Variants in PPM1B observed in about 807,000 individuals in gnomAD.
PPM1B encodes the protein protein phosphatase, Mg2+/Mn2+ dependent 1B.
A neutral mutation model predicts 43.0 loss-of-function variants in PPM1B; 22 were observed. That is an observed-to-expected ratio of 0.51 (90% CI 0.37 to 0.73). The LOEUF is 0.73. PPM1B is among the 30% of genes least tolerant of loss of function. The pLI is 0.00. For synonymous variants in PPM1B, 217 were observed against 197.9 expected, an observed-to-expected ratio of 1.10 and a Z score of -0.81; for missense variants, 632 against 584.2, an observed-to-expected ratio of 1.08 and a Z score of -0.84.
At chr2:44,174,353 A>T (rs773769843) in intron 1 of PPM1B, among the ~76,000 whole-genome samples, 1 of 152,248 alleles carries the variant, frequency 6.6e-6, no homozygotes, top group Admixed American at 6.5e-5. Flanking sequence ...CCATGTATTG[A>T]CTATTAAGGA....
Position 44,241,010 on chromosome 2 carries a change from T to A in PPM1B, n.1547-3218T>A, listed in dbSNP as rs972586684. On this transcript the variant is annotated intron_variant and non_coding_transcript_variant, in intron 5 of 5. Transcript: ENST00000378540. ...TTGGGAAGCATCTTTATTTTTATTT[T>A]TTTTTTTTTTGAGACGGAGTTTCAC... Among the ~76,000 whole-genome samples, 77 of 143,334 alleles carry A rather than the reference T, an allele frequency of 5.4e-4. 15 individuals carry two copies. The highest frequency in any genetic ancestry group is 1.0e-3 in the East Asian group (5 of 4,850). 94.0% of individuals were successfully genotyped at this position (143,334 alleles called of 152,430 possible). A position where few individuals can be genotyped will look rare whatever the true frequency, so the allele number is the denominator to read the frequency against.
At chr2:44,195,697 C>T (rs1210991056) in intron 1 of PPM1B, among the ~76,000 whole-genome samples, 1 of 152,190 alleles carries the variant, frequency 6.6e-6, no homozygotes, top group Admixed American at 6.5e-5. Context: ...AAATACATGT[C>T]TGCAACCTAT....
At chr2:44,211,319 CTT>C (rs1669456970) in intron 3 of PPM1B, among the ~76,000 whole-genome samples, 1 of 152,044 alleles carries the variant, frequency 6.6e-6, no homozygotes, top group Non-Finnish European at 1.5e-5. Context: ...GTTCCATAGT[CTT>C]TTTTATTTCT....
downstream of PPM1B, chr2:44,234,007 A>C: frequency 1.0e-6 from 1 of 984,800 alleles, no homozygotes; most frequent in Non-Finnish European, 1.2e-6. Context: ...GATGTTTCAT[A>C]CAATGCAGTG....
rs1572759587 is a variant in PPM1B at position 44,230,072 on chromosome 2, A to G, written c.1135-341A>G. ...GCTTTAAACATTGATTTTCTTTTGTACTAAATCATATAGCCAAATATTGTT... is the reference window on the plus strand; with the variant it reads ...GCTTTAAACATTGATTTTCTTTTGTGCTAAATCATATAGCCAAATATTGTT... On this transcript the variant is annotated intron_variant, in intron 5 of 5. Coordinates refer to ENST00000282412, the MANE Select transcript of PPM1B (RefSeq NM_002706.6). The G allele has an allele frequency of 5.8e-6, 9 of 1,541,962 alleles. No homozygotes were observed. In the East Asian group the frequency reaches 1.9e-4, roughly 32 times the overall value.
intron 5 of PPM1B, among the ~76,000 whole-genome samples, chr2:44,228,068 A>C (rs535855060): frequency 6.6e-6 from 1 of 150,594 alleles, no homozygotes; most frequent in Non-Finnish European, 1.5e-5. Context: ...GATTGCAGGC[A>C]CTTGCCACTG....
intron 1 of PPM1B, among the ~76,000 whole-genome samples, chr2:44,182,758 C>G (rs1459725751): frequency 6.6e-6 from 1 of 151,640 alleles, no homozygotes; most frequent in Non-Finnish European, 1.5e-5. Flanking sequence ...TACTTTTTTT[C>G]TTTCTTATAA....
intron 2 of PPM1B, among the ~76,000 whole-genome samples, chr2:44,205,460 C>G (rs1669146363): frequency 6.9e-6 from 1 of 145,910 alleles, no homozygotes; most frequent in South Asian, 2.2e-4. Flanking sequence ...TTTTTTGTAA[C>G]AAATACAGAG....
At chr2:44,241,403 C>T (rs1265978738) in intron 5 of PPM1B, among the ~76,000 whole-genome samples, 1 of 144,420 alleles carries the variant, frequency 6.9e-6, no homozygotes, top group African/African-American at 2.5e-5. Context: ...TGTACTGTGT[C>T]GGGAATACAT....
downstream of PPM1B, among the ~76,000 whole-genome samples, chr2:44,235,149 A>C (rs1204121754): frequency 2.0e-5 from 3 of 152,300 alleles, no homozygotes; most frequent in East Asian, 5.8e-4. Context: ...GACTTTTCTT[A>C]GTTTGTTATG....
chr2:44,205,210 A>G (rs1669121420), intron 2 of PPM1B, among the ~76,000 whole-genome samples: 1 of 152,224 alleles, frequency 6.6e-6, no homozygotes, highest in African/African-American at 2.4e-5. Flanking sequence ...AGGTTGTTTG[A>G]TATTAAAAGA....
downstream of PPM1B, among the ~76,000 whole-genome samples, chr2:44,239,474 T>A (rs930938026): frequency 6.6e-6 from 1 of 152,144 alleles, no homozygotes; most frequent in Non-Finnish European, 1.5e-5. Context: ...CTATTTGTCA[T>A]TTTTTTGCTG....
chr2:44,189,366 C>T (rs1415630192), intron 1 of PPM1B, among the ~76,000 whole-genome samples: 1 of 152,184 alleles, frequency 6.6e-6, no homozygotes, highest in African/African-American at 2.4e-5. Context: ...AGGCATGATC[C>T]TATTTTACTA....
chr2:44,201,419 C>A lies in PPM1B; in HGVS notation c.220C>A (p.His74Asn), dbSNP rs1438904815. The A allele has an allele frequency of 6.2e-7, 1 of 1,614,118 alleles. No individual in the cohort carries two copies. Among genetic ancestry groups the A allele is most frequent in the Non-Finnish European group, 8.5e-7 (1 of 1,179,992 alleles). Residue 74 changes from histidine to asparagine, a missense_variant, in exon 2 of 6, where the codon CAT becomes AAT. Around this residue, in one of 3 missense-constraint regions of PPM1B, gnomAD observed 200 missense variants for 200.7 expected, o/e 1.00. Transcript: ENST00000282412. The surrounding 1 kb of genome is among the most constrained non-coding windows in gnomAD (Gnocchi z 5.4). ...CCGAGTGGCAAATTACTGCTCAACA[C>A]ATTTATTAGAACACATCACTACTAA... ...GSRVANYCST[H>N]LLEHITTNED... is the part of the protein sequence containing the mutation.
chr2:44,214,413 C>G (rs949425511), intron 3 of PPM1B, among the ~76,000 whole-genome samples: 1 of 149,470 alleles, frequency 6.7e-6, no homozygotes, highest in African/African-American at 2.5e-5. Flanking sequence ...ACAAAAAAAG[C>G]TTATTGATGA....
At chr2:44,233,565 C>G (rs1478567657), downstream of PPM1B, 6 of 985,498 alleles carry the variant, frequency 6.1e-6, no homozygotes, top group Non-Finnish European at 7.2e-6. Flanking sequence ...GTTGTGGATG[C>G]TTTGTAAACA....
At chr2:44,203,151 T>C (rs1476633825) in intron 2 of PPM1B, among the ~76,000 whole-genome samples, 1 of 152,164 alleles carries the variant, frequency 6.6e-6, no homozygotes, top group Non-Finnish European at 1.5e-5. Context: ...TTCTTTTTAA[T>C]AGAATGGAAA....
Position 44,188,738 on chromosome 2 carries a change from C to T in PPM1B, c.-14-12448C>T, listed in dbSNP as rs1006181879. On this transcript the variant is annotated intron_variant, in intron 1 of 5. Transcript: ENST00000282412. ...GCTTTCCTTCCTTCCTTCCTTCCTT[C>T]TTTCCTTCCTTCCTTCCTTCCTTCT... Among the ~76,000 whole-genome samples, 23 of 143,316 alleles carry T rather than the reference C, an allele frequency of 1.6e-4. 1 individual carries two copies. Among genetic ancestry groups the T allele is most frequent in the Non-Finnish European group, 3.1e-4 (20 of 63,658 alleles). The allele number at this position is 143,316 out of a possible 152,430, so 94.0% of individuals were successfully genotyped here.
chr2:44,244,991 T>C (rs1670830013), downstream of PPM1B, among the ~76,000 whole-genome samples: 1 of 151,952 alleles, frequency 6.6e-6, no homozygotes, highest in Non-Finnish European at 1.5e-5. Context: ...TGTAACAGTG[T>C]ACAATACTAA....
Sources: gnomAD v4.1 joint callset for allele counts (sites outside exome capture counted in the v4.1 genomes callset) on GRCh38, gnomAD v4.1.1 for gene constraint, gnomAD v4.1.1 regional missense constraint, Gnocchi (gnomAD v3.1) non-coding constraint, MANE v1.5 for transcripts, NCBI Gene and HGNC (gene_info 2026-07-23, HGNC 2026-07-21) for gene names.